Variants in TANC1 observed in about 807,000 individuals in gnomAD.
TANC1 encodes the protein protein TANC1.
In TANC1, 77 loss-of-function variants were observed where a neutral mutation model predicts 149.7. That is an observed-to-expected ratio of 0.51 (90% CI 0.43 to 0.62). The LOEUF is 0.62. Ranked by LOEUF, TANC1 falls within the 20% of genes least tolerant of loss-of-function variation. TANC1 has a pLI of 0.00. For synonymous variants in TANC1, 854 were observed against 925.0 expected, an observed-to-expected ratio of 0.92 and a Z score of 1.39; for missense variants, 1,985 against 2,321.8, an observed-to-expected ratio of 0.85 and a Z score of 2.98.
At chr2:159,057,671 C>G (rs2041953480) in intron 2 of TANC1, among the ~76,000 whole-genome samples, 2 of 152,184 alleles carry the variant, frequency 1.3e-5, no homozygotes, top group Non-Finnish European at 2.9e-5. Context: ...TCTCCACAAC[C>G]ATTCATTGAT....
At position 159,194,254 on chromosome 2, in the gene TANC1, C is replaced by T; in HGVS notation, c.2743-3C>T. On this transcript the variant is annotated splice_region_variant and splice_polypyrimidine_tract_variant and intron_variant, in intron 16 of 26. Transcript: ENST00000263635. ...AATCTTGTTGGGGGGCCTTGTCCAA[C>T]AGGTGAGCCGTCTCCTGATTTTGGG... The T allele has an allele frequency of 6.2e-7, 1 of 1,611,664 alleles. No homozygotes were observed.
intron 4 of TANC1, among the ~76,000 whole-genome samples, chr2:159,127,612 T>A (rs1282865628): frequency 6.6e-6 from 1 of 152,214 alleles, no homozygotes; most frequent in Non-Finnish European, 1.5e-5. Context: ...CATAGAATAC[T>A]ATGCAGCCAC....
At chr2:158,975,237 T>A (rs909371389) in intron 1 of TANC1, among the ~76,000 whole-genome samples, 8 of 152,148 alleles carry the variant, frequency 5.3e-5, no homozygotes, top group Non-Finnish European at 1.2e-4. Context: ...TTTTGAATAT[T>A]TTCTAACCTA....
intron 1 of TANC1, among the ~76,000 whole-genome samples, chr2:158,995,135 T>G (rs1274989643): frequency 1.3e-5 from 2 of 152,194 alleles, no homozygotes; most frequent in East Asian, 3.9e-4. Flanking sequence ...ATACTAATTC[T>G]CCCCCACCTG....
Position 159,169,348 on chromosome 2 carries a change from G to A in TANC1, c.1045G>A (p.Gly349Arg), listed in dbSNP as rs775694410. 1.7e-5 allele frequency: 27 copies of A among 1,613,748 alleles called. No homozygotes were observed. The highest frequency in any genetic ancestry group is 2.2e-5 in the East Asian group (1 of 44,884). ...TAGATTACCATGGCACAATACGGCC[G>A]GAGGTAGGGCACAGGAAGTTAAAGG... ...SIRLPWHNTA[G>R]GRAQEVKARF... is the part of the protein sequence containing the mutation. Residue 349 changes from glycine to arginine, a missense_variant, in exon 9 of 27, where the codon GGA becomes AGA. By Grantham distance (125) the Gly-to-Arg change is moderately radical. Transcript: ENST00000263635.
intron 2 of TANC1, among the ~76,000 whole-genome samples, chr2:159,060,780 T>C (rs572843340): frequency 6.6e-6 from 1 of 152,348 alleles, no homozygotes; most frequent in Non-Finnish European, 1.5e-5. Context: ...GTTTTACTGC[T>C]AGTACTCTTC....
chr2:159,139,917 T>TC (rs2051173571), intron 5 of TANC1, among the ~76,000 whole-genome samples: 1 of 152,048 alleles, frequency 6.6e-6, no homozygotes, highest in African/African-American at 2.4e-5. Flanking sequence ...GTATAGAGGA[T>TC]TAAAGAGGTA....
intron 4 of TANC1, among the ~76,000 whole-genome samples, chr2:159,116,739 T>G (rs1422340018): frequency 6.6e-6 from 1 of 152,142 alleles, no homozygotes; most frequent in Non-Finnish European, 1.5e-5. Flanking sequence ...AATGTTAACT[T>G]TTGTCTCAGG....
chr2:159,039,264 A>G (rs191765097), intron 2 of TANC1, among the ~76,000 whole-genome samples: 18 of 152,224 alleles, frequency 1.2e-4, no homozygotes, highest in Non-Finnish European at 1.6e-4. Context: ...CTAGCGGTCT[A>G]TCAATTTCAT....
intron 14 of TANC1, among the ~76,000 whole-genome samples, chr2:159,182,218 A>G (rs898540252): frequency 7.5e-5 from 11 of 146,810 alleles, no homozygotes; most frequent in Non-Finnish European, 1.5e-4. Flanking sequence ...AAAAAAAAAG[A>G]AAGAGTTTTC....
chr2:159,072,868 C>T (rs1291904347), intron 3 of TANC1, among the ~76,000 whole-genome samples: 1 of 152,174 alleles, frequency 6.6e-6, no homozygotes, highest in African/African-American at 2.4e-5. Flanking sequence ...CCATGACTTC[C>T]TATTCCCAAA....
chr2:159,046,245 C>G (rs573107042), intron 2 of TANC1, among the ~76,000 whole-genome samples: 21 of 152,280 alleles, frequency 1.4e-4, no homozygotes, highest in Admixed American at 1.4e-3. Flanking sequence ...GACTGCGTCT[C>G]TCTTTTGCAA....
rs184795782 is a variant in TANC1, at chr2:159,181,419, T to G, written c.2510+2256T>G. 1.1e-3 allele frequency among the ~76,000 whole-genome samples: 162 copies of G among 152,200 alleles called. 1 individual carries two copies. The highest frequency in any genetic ancestry group is 1.9e-3 in the South Asian group (9 of 4,826). ...TCACACCATTCTCCTGCCTCAGCCT[T>G]CCCACGTAGCTGGGACTACAGGCGC... On this transcript the variant is annotated intron_variant, in intron 14 of 26. Transcript: ENST00000263635.
chr2:159,018,912 ACT>A (rs915165234), intron 2 of TANC1, among the ~76,000 whole-genome samples: 1 of 152,194 alleles, frequency 6.6e-6, no homozygotes, highest in Non-Finnish European at 1.5e-5. Flanking sequence ...GAAATTTGAA[ACT>A]CTTATTATGC....
At chr2:159,171,065 G>T (rs2150473028) in intron 10 of TANC1, among the ~76,000 whole-genome samples, 1 of 70 alleles carries the variant, frequency 0.014, no homozygotes, top group Non-Finnish European at 0.036. Flanking sequence ...AGGCAGAGAT[G>T]GGCCAGTGAG....
intron 6 of TANC1, 43 bp from the exon 7 acceptor site, chr2:159,150,315 GTGTCGAAGCATC>G: frequency 7.0e-7 from 1 of 1,430,378 alleles, no homozygotes; most frequent in South Asian, 1.2e-5. Flanking sequence ...ACAAAAGCAT[GTGTCGAAGCATC>G]CTGTGTAAGC....
chr2:159,211,116 C>A (rs938498382), intron 19 of TANC1, among the ~76,000 whole-genome samples: 1 of 146,236 alleles, frequency 6.8e-6, no homozygotes, highest in South Asian at 2.2e-4. Context: ...GGTGACTTGC[C>A]CGCCACAGCC....
Position 158,988,317 on chromosome 2 carries a change from C to A in TANC1, c.-125-12763C>A, listed in dbSNP as rs2035238564. Among the ~76,000 whole-genome samples, 9 of 144,206 alleles carry A rather than the reference C, an allele frequency of 6.2e-5. No individual in the cohort carries two copies. In the South Asian group the frequency reaches 1.9e-3, roughly 30 times the overall value. 94.6% of individuals were successfully genotyped at this position (144,206 alleles called of 152,430 possible). On this transcript the variant is annotated intron_variant, in intron 1 of 26. Transcript: ENST00000263635. ...ACTCCAGCCTGGGTGACAGGCAAGA[C>A]CCTGTCCCAAAAAAAAAAAAAAAAA... is the stretch of plus-strand genomic sequence containing the variant.
At chr2:159,113,592 G>C (rs758427638) in intron 4 of TANC1, among the ~76,000 whole-genome samples, 4 of 152,116 alleles carry the variant, frequency 2.6e-5, no homozygotes, top group Admixed American at 2.6e-4. Context: ...GGGGTAAATC[G>C]CCCCTTCTGC....
Sources: allele counts gnomAD v4.1 joint callset (sites outside exome capture counted in the v4.1 genomes callset), GRCh38; gene constraint gnomAD v4.1.1; transcripts MANE v1.5; gene names NCBI Gene and HGNC (gene_info 2026-07-23, HGNC 2026-07-21).